The following CYP4X1 variants were observed in gnomAD, a reference collection of about 807,000 sequenced individuals.
CYP4X1 encodes cytochrome P450 family 4 subfamily X member 1, also known as cytochrome P450 4X1.
Under a neutral mutation model 57.9 loss-of-function variants are expected in CYP4X1, and 44 were observed. That is an observed-to-expected ratio of 0.76 (90% CI 0.60 to 0.98). The LOEUF is 0.98. Ranked by LOEUF, CYP4X1 falls within the 50% of genes least tolerant of loss-of-function variation. The pLI is 0.00. For missense variants in CYP4X1, 532 were observed against 623.9 expected, an observed-to-expected ratio of 0.85 and a Z score of 1.57; for synonymous variants, 227 against 228.6, an observed-to-expected ratio of 0.99 and a Z score of 0.06.
the CYP4X1 span, among the ~76,000 whole-genome samples, chr1:47,011,935 A>G: frequency 3.3e-5 from 5 of 152,222 alleles, no homozygotes; most frequent in African/African-American, 1.2e-4. Context: ...AGGTGGAGAA[A>G]TAGGAACACT....
chr1:47,009,025 C>A, the CYP4X1 span, among the ~76,000 whole-genome samples: 2 of 152,160 alleles, frequency 1.3e-5, no homozygotes, highest in African/African-American at 2.4e-5. Flanking sequence ...AGAAAGTTAA[C>A]AAGGATATCC....
the CYP4X1 span, among the ~76,000 whole-genome samples, chr1:47,005,690 A>G: frequency 6.6e-6 from 1 of 152,230 alleles, no homozygotes; most frequent in Non-Finnish European, 1.5e-5. Context: ...ACTTAAGTAT[A>G]ACTTTACTAA....
intron 3 of CYP4X1, among the ~76,000 whole-genome samples, chr1:47,032,545 A>G (rs745564234): frequency 3.0e-4 from 46 of 152,202 alleles, no homozygotes; most frequent in Non-Finnish European, 5.7e-4. Context: ...CATTCAATGA[A>G]TGGTATCAAT....
At position 47,029,997 on chromosome 1, in the gene CYP4X1, A is replaced by G. The variant is rs868393716; in HGVS notation, c.185A>G (p.Gln62Arg). The stretch of plus-strand genomic sequence containing the variant: ...TTACTTTTTTCACTGCAGTTTATTC[A>G]GGATGATAACATGGAGAAGCTTGAG... ...HWFLGHQKFI[Q>R]DDNMEKLEEI... The change falls in exon 2 of 12, where the codon CAG (glutamine) becomes CGG (arginine). Residue 62 changes from glutamine to arginine, a missense_variant. Physicochemically the swap from Gln to Arg is conservative, Grantham distance 43. Coordinates refer to ENST00000371901, the MANE Select transcript of CYP4X1 (RefSeq NM_178033.2). The G allele has an allele frequency of 6.2e-7, 1 of 1,613,936 alleles. No individual in the cohort carries two copies. Among genetic ancestry groups the G allele is most frequent in the Non-Finnish European group, 8.5e-7 (1 of 1,179,926 alleles).
chr1:47,019,146 G>A (rs1287701098), upstream of CYP4X1, among the ~76,000 whole-genome samples: 1 of 152,228 alleles, frequency 6.6e-6, no homozygotes, highest in African/African-American at 2.4e-5. Context: ...AAAGACATAT[G>A]TGATTAACTT....
chr1:47,007,743 G>A, the CYP4X1 span, among the ~76,000 whole-genome samples: 5 of 152,180 alleles, frequency 3.3e-5, no homozygotes, highest in East Asian at 1.9e-4. Flanking sequence ...AGGACCTGAC[G>A]GAGCCGAAAA....
At chr1:46,977,217 A>G in the CYP4X1 span, among the ~76,000 whole-genome samples, 2 of 152,150 alleles carry the variant, frequency 1.3e-5, no homozygotes, top group Admixed American at 6.5e-5. Flanking sequence ...CAAGGAAGCA[A>G]AAAGCCTTGA....
intron 2 of CYP4X1, among the ~76,000 whole-genome samples, chr1:47,031,015 C>A (rs1244456959): frequency 1.3e-5 from 2 of 152,208 alleles, no homozygotes; most frequent in Non-Finnish European, 2.9e-5. Flanking sequence ...CAGTAGAACA[C>A]CTCCACTTTG....
chr1:47,034,290 A>G (rs751197771), intron 4 of CYP4X1, among the ~76,000 whole-genome samples: 1 of 152,078 alleles, frequency 6.6e-6, no homozygotes, highest in African/African-American at 2.4e-5. Flanking sequence ...TTCCTCTTGT[A>G]GATAGTGGAG....
At position 47,040,451 on chromosome 1, in the gene CYP4X1, G is replaced by C. The variant is rs148220840; in HGVS notation, c.1073+919G>C. Among the ~76,000 whole-genome samples the C allele has an allele frequency of 9.2e-5, 14 of 152,194 alleles. No individual in the cohort carries two copies. The East Asian group carries it at 2.5e-3, about 27-fold the overall frequency. ...TAAGGACAATTCAGCAGCATGACCAGATAAAAAACACCATATTTCATATGC... is the reference window on the plus strand; with the variant it reads ...TAAGGACAATTCAGCAGCATGACCACATAAAAAACACCATATTTCATATGC... On this transcript the variant is annotated intron_variant, in intron 8 of 11. Coordinates refer to ENST00000371901, the MANE Select transcript of CYP4X1 (RefSeq NM_178033.2).
At chr1:47,053,166 T>C (rs1203971503), downstream of CYP4X1, among the ~76,000 whole-genome samples, 1 of 151,022 alleles carries the variant, frequency 6.6e-6, no homozygotes, top group African/African-American at 2.4e-5. Context: ...GAACATGCGG[T>C]GTTTGGTTTT....
chr1:47,024,034 C>CGGA (rs1644033767), intron 1 of CYP4X1, 40 bp downstream of exon 1: 1 of 1,580,272 alleles, frequency 6.3e-7, no homozygotes, highest in African/African-American at 1.4e-5. Flanking sequence ...GAGGGAGGGG[C>CGGA]GGAGGAGGAT....
chr1:47,016,862 C>T, the CYP4X1 span, among the ~76,000 whole-genome samples: 1 of 152,058 alleles, frequency 6.6e-6, no homozygotes. Context: ...TTTGTTCCTC[C>T]ACACCCCCAA....
chr1:46,981,631 G>A, the CYP4X1 span, among the ~76,000 whole-genome samples: 1 of 152,022 alleles, frequency 6.6e-6, no homozygotes, highest in Non-Finnish European at 1.5e-5. Context: ...CTCATTACTG[G>A]GTATATACCC....
chr1:47,040,339 T>C lies in CYP4X1; in HGVS notation c.1073+807T>C, dbSNP rs546226931. Among the ~76,000 whole-genome samples, 10 of 152,284 alleles carry C rather than the reference T, an allele frequency of 6.6e-5. No individual in the cohort carries two copies. In the South Asian group the frequency reaches 1.7e-3, roughly 25 times the overall value. On this transcript the variant is annotated intron_variant, in intron 8 of 11. Coordinates refer to ENST00000371901, the MANE Select transcript of CYP4X1 (RefSeq NM_178033.2). ...TTGCTAGACTTTAAGCATATACTGCTGTTAATAAAGCCCAGGTTATGCTGT... is the reference window on the plus strand; with the variant it reads ...TTGCTAGACTTTAAGCATATACTGCCGTTAATAAAGCCCAGGTTATGCTGT...
chr1:47,039,687 C>A, intron 8 of CYP4X1, 155 bp downstream of exon 8: 1 of 446,260 alleles, frequency 2.2e-6, no homozygotes, highest in Non-Finnish European at 3.8e-6. Context: ...AAGAGAGCTC[C>A]AAATTATTCT....
chr1:47,031,427 ACT>A lies in CYP4X1; in HGVS notation c.320-6_320-5del. 1.2e-6 allele frequency: 2 copies of A among 1,613,268 alleles called. No homozygotes were observed. The highest frequency in any genetic ancestry group is 2.2e-5 in the East Asian group (1 of 44,828). ...TGATGTCTTTTGTTTCCTCTGCTTG[ACT>A]CTGCAGATCCCAAGTCCCAGTACCT... On this transcript the variant is annotated splice_region_variant and splice_polypyrimidine_tract_variant and intron_variant, in intron 2 of 11. Coordinates refer to ENST00000371901, the MANE Select transcript of CYP4X1 (RefSeq NM_178033.2).
At chr1:47,042,360 T>C (rs1193183433) in intron 8 of CYP4X1, among the ~76,000 whole-genome samples, 1 of 152,026 alleles carries the variant, frequency 6.6e-6, no homozygotes, top group Non-Finnish European at 1.5e-5. Context: ...CTTTGGGTAG[T>C]ATGGATATTT....
At chr1:47,039,001 C>G (rs1644216068) in intron 7 of CYP4X1, among the ~76,000 whole-genome samples, 2 of 152,012 alleles carry the variant, frequency 1.3e-5, no homozygotes, top group African/African-American at 4.8e-5. Context: ...TGAGGATTGT[C>G]ATATGGATAC....
Sources: allele counts gnomAD v4.1 joint callset (sites outside exome capture counted in the v4.1 genomes callset), GRCh38; gene constraint gnomAD v4.1.1; transcripts MANE v1.5; gene names NCBI Gene and HGNC (gene_info 2026-07-23, HGNC 2026-07-21).